The following BCKDHA variants were observed in gnomAD, a reference collection of about 807,000 sequenced individuals.
BCKDHA encodes 2-oxoisovalerate dehydrogenase subunit alpha, mitochondrial.
In BCKDHA, 43 loss-of-function variants were observed where a neutral mutation model predicts 52.2. That is an observed-to-expected ratio of 0.82 (90% CI 0.64 to 1.06). The LOEUF (loss-of-function observed/expected upper bound fraction) is 1.06, where lower values mean the gene tolerates loss of function less well. Among genes scored for constraint, BCKDHA ranks in the 50% least tolerant of loss-of-function variants. The pLI, the probability that BCKDHA is intolerant of heterozygous loss-of-function variation, is 0.00. For missense variants in BCKDHA, 527 were observed against 621.3 expected, an observed-to-expected ratio of 0.85 and a Z score of 1.61; for synonymous variants, 234 against 247.9, an observed-to-expected ratio of 0.94 and a Z score of 0.53.
chr19:41,408,043 C>T (rs2039212398), intron 1 of BCKDHA, among the ~76,000 whole-genome samples: 1 of 150,468 alleles, frequency 6.6e-6, no homozygotes, highest in Non-Finnish European at 1.5e-5. Flanking sequence ...ACAGCCTCAT[C>T]CTTCCAGGTT....
intron 8 of BCKDHA, 76 bp downstream of exon 8, chr19:41,423,245 C>T (rs2039390221): frequency 6.5e-7 from 1 of 1,540,034 alleles, no homozygotes; most frequent in Non-Finnish European, 8.7e-7. Flanking sequence ...TTGTGGAACA[C>T]CGAACTGGGA....
At chr19:41,415,718 G>A (rs1391565490) in intron 4 of BCKDHA, among the ~76,000 whole-genome samples, 5 of 151,156 alleles carry the variant, frequency 3.3e-5, no homozygotes, top group South Asian at 2.1e-4. Flanking sequence ...GCGCGATCTC[G>A]GCTCACTGCA....
rs1045187712 is a variant in BCKDHA, at chr19:41,424,432, C to T, written c.1168-6C>T. 1.4e-5 allele frequency: 22 copies of T among 1,613,836 alleles called. No homozygotes were observed. Among genetic ancestry groups the T allele is most frequent in the Non-Finnish European group, 1.8e-5 (21 of 1,180,044 alleles). Reference sequence around the variant, plus strand: ...CTAGCCTGCCCACTGCCCCATGTCCCCACAGGTGATGGAGGCCTTTGAGCA... The same window carrying T: ...CTAGCCTGCCCACTGCCCCATGTCCTCACAGGTGATGGAGGCCTTTGAGCA... On this transcript the variant is annotated splice_region_variant and splice_polypyrimidine_tract_variant and intron_variant, in intron 8 of 8. Transcript: ENST00000269980.
At chr19:41,404,511 G>C (rs998707504) in intron 1 of BCKDHA, among the ~76,000 whole-genome samples, 2 of 151,206 alleles carry the variant, frequency 1.3e-5, no homozygotes, top group African/African-American at 4.9e-5. Flanking sequence ...GGATGGTCTC[G>C]ATCTCCCGAC....
intron 4 of BCKDHA, among the ~76,000 whole-genome samples, chr19:41,417,920 CA>C (rs72299612): frequency 0.035 from 4,537 of 128,800 alleles, 204 homozygotes; most frequent in African/African-American, 0.12. Flanking sequence ...AACTCCGTCT[CA>C]AAAAAAAAAA....
chr19:41,410,554 C>T (rs759380102), intron 1 of BCKDHA, 83 bp from the exon 2 acceptor site: 20 of 1,508,402 alleles, frequency 1.3e-5, no homozygotes, highest in African/African-American at 4.1e-5. Flanking sequence ...ACCACCATGC[C>T]GCCTGCCTGC....
intron 1 of BCKDHA, chr19:41,399,651 CT>C (rs1420327128): frequency 6.6e-6 from 1 of 151,382 alleles, no homozygotes; most frequent in African/African-American, 2.4e-5. Flanking sequence ...TTTCTCTCTT[CT>C]TCTTTCTTTC....
intron 1 of BCKDHA, 24 bp from the exon 2 acceptor site, chr19:41,410,613 G>A: frequency 1.2e-6 from 2 of 1,613,950 alleles, no homozygotes; most frequent in South Asian, 2.2e-5. Flanking sequence ...TGATGCAGGT[G>A]GTCTCCTCTG....
At position 41,405,477 on chromosome 19, in the gene BCKDHA, C is replaced by T. The variant is rs188065022; in HGVS notation, c.109-5160C>T. On this transcript the variant is annotated intron_variant, in intron 1 of 8. Coordinates refer to ENST00000269980, the MANE Select transcript of BCKDHA (RefSeq NM_000709.4). ...AATTTTTTGTAGGGATGGGGTCTTGCCATGTTATCCAGGCTGGTCTTGAAC... is the reference window on the plus strand; with the variant it reads ...AATTTTTTGTAGGGATGGGGTCTTGTCATGTTATCCAGGCTGGTCTTGAAC... Among the ~76,000 whole-genome samples the T allele has an allele frequency of 2.1e-3, 326 of 151,986 alleles. 3 individuals are homozygous for T. The highest frequency in any genetic ancestry group is 8.0e-3 in the Admixed American group (122 of 15,252).
intron 1 of BCKDHA, among the ~76,000 whole-genome samples, chr19:41,406,926 C>T (rs2039199798): frequency 6.6e-6 from 1 of 152,142 alleles, no homozygotes; most frequent in Non-Finnish European, 1.5e-5. Context: ...GCTGGACTCA[C>T]TATGTTGCCT....
chr19:41,402,939 C>T (rs2039153491), intron 1 of BCKDHA, among the ~76,000 whole-genome samples: 1 of 152,180 alleles, frequency 6.6e-6, no homozygotes, highest in South Asian at 2.1e-4. Flanking sequence ...CCATGTGTGG[C>T]CGGGCAGGTG....
Position 41,424,433 on chromosome 19 carries a change from C to T in BCKDHA, c.1168-5C>T, listed in dbSNP as rs1196167996. Reference sequence around the variant, plus strand: ...TAGCCTGCCCACTGCCCCATGTCCCCACAGGTGATGGAGGCCTTTGAGCAG... The same window carrying T: ...TAGCCTGCCCACTGCCCCATGTCCCTACAGGTGATGGAGGCCTTTGAGCAG... On this transcript the variant is annotated splice_region_variant and splice_polypyrimidine_tract_variant and intron_variant, in intron 8 of 8. Coordinates refer to ENST00000269980, the MANE Select transcript of BCKDHA (RefSeq NM_000709.4). The T allele has an allele frequency of 1.2e-6, 2 of 1,613,834 alleles. No homozygotes were observed. Among genetic ancestry groups the T allele is most frequent in the African/African-American group, 2.7e-5 (2 of 74,930 alleles).
intron 6 of BCKDHA, 118 bp from the exon 7 acceptor site, chr19:41,422,511 G>T (rs1165951000): frequency 1.9e-5 from 30 of 1,576,036 alleles, no homozygotes; most frequent in Non-Finnish European, 2.5e-5. Context: ...TCAGCCACAG[G>T]AGTTGAGGTC....
At chr19:41,407,950 A>ATTTTTTT (rs144717663) in intron 1 of BCKDHA, among the ~76,000 whole-genome samples, 1 of 124,478 alleles carries the variant, frequency 8.0e-6, no homozygotes, top group Non-Finnish European at 1.7e-5. Flanking sequence ...TTCTGATGTA[A>ATTTTTTT]TTTTTTTTTT....
intron 1 of BCKDHA, among the ~76,000 whole-genome samples, chr19:41,402,877 C>A (rs1210282679): frequency 6.6e-6 from 1 of 152,106 alleles, no homozygotes; most frequent in Non-Finnish European, 1.5e-5. Context: ...CTGGCCTCAA[C>A]TGATCCACCC....
At chr19:41,420,401 G>A (rs1197606605) in intron 5 of BCKDHA, among the ~76,000 whole-genome samples, 1 of 152,044 alleles carries the variant, frequency 6.6e-6, no homozygotes, top group African/African-American at 2.4e-5. Context: ...AAAAAGTGCA[G>A]GAGCCTGGCC....
chr19:41,405,179 T>C (rs1242074938), intron 1 of BCKDHA, among the ~76,000 whole-genome samples: 1 of 152,194 alleles, frequency 6.6e-6, no homozygotes, highest in African/African-American at 2.4e-5. Flanking sequence ...GGCTGAGCAA[T>C]CCACACAGGT....
At chr19:41,403,155 G>T (rs907140513) in intron 1 of BCKDHA, among the ~76,000 whole-genome samples, 1 of 152,142 alleles carries the variant, frequency 6.6e-6, no homozygotes, top group African/African-American at 2.4e-5. Context: ...TGCCTAATCT[G>T]CACGCCTTTC....
chr19:41,407,846 A>C (rs1246719894), intron 1 of BCKDHA, among the ~76,000 whole-genome samples: 1 of 152,160 alleles, frequency 6.6e-6, no homozygotes, highest in Non-Finnish European at 1.5e-5. Flanking sequence ...TAGTGGGAAG[A>C]AAAGTTGCAG....
Sources: gnomAD v4.1 joint callset for allele counts (sites outside exome capture counted in the v4.1 genomes callset) on GRCh38, gnomAD v4.1.1 for gene constraint, MANE v1.5 for transcripts, NCBI Gene and HGNC (gene_info 2026-07-23, HGNC 2026-07-21) for gene names.